The following HMBOX1 variants were observed in gnomAD, a reference collection of about 807,000 sequenced individuals.
HMBOX1 encodes homeobox-containing protein 1.
In HMBOX1, 14 loss-of-function variants were observed where a neutral mutation model predicts 54.5. The observed-to-expected ratio is 0.26, with a 90% confidence interval of 0.17 to 0.40. The LOEUF is 0.40. Among genes scored for constraint, HMBOX1 ranks in the 10% least tolerant of loss-of-function variants. HMBOX1 has a pLI of 1.00. For synonymous variants in HMBOX1, 160 were observed against 181.0 expected (o/e 0.88, Z 0.93); for missense variants, 332 against 514.4 (o/e 0.65, Z 3.43).
At chr8:28,914,024 C>T (rs190138144) in intron 1 of HMBOX1, among the ~76,000 whole-genome samples, 206 of 152,166 alleles carry the variant, frequency 1.4e-3, no homozygotes, top group Middle Eastern at 3.4e-3. Context: ...GCATGTGCCA[C>T]CACATCCGGC....
At chr8:28,959,092 C>T (rs919187500) in intron 1 of HMBOX1, among the ~76,000 whole-genome samples, 2 of 152,124 alleles carry the variant, frequency 1.3e-5, no homozygotes, top group African/African-American at 4.8e-5. Flanking sequence ...CACAGTTTCA[C>T]AGAAGATTCA....
chr8:28,977,667 G>C (rs1563510360), intron 3 of HMBOX1, among the ~76,000 whole-genome samples: 1 of 152,032 alleles, frequency 6.6e-6, no homozygotes, highest in Non-Finnish European at 1.5e-5. Context: ...CAGGCCGGGC[G>C]CGGTGGCTCA....
At chr8:28,936,191 T>C (rs2131962389) in intron 1 of HMBOX1, among the ~76,000 whole-genome samples, 1 of 152,142 alleles carries the variant, frequency 6.6e-6, no homozygotes, top group East Asian at 1.9e-4. Context: ...AATGTTTCAG[T>C]AGATGTATAA....
chr8:28,932,295 G>A (rs1306177996), intron 1 of HMBOX1, among the ~76,000 whole-genome samples: 1 of 152,180 alleles, frequency 6.6e-6, no homozygotes, highest in Non-Finnish European at 1.5e-5. Context: ...TTTATCCTAT[G>A]TACAGTAGGA....
intron 1 of HMBOX1, among the ~76,000 whole-genome samples, chr8:28,961,828 T>C (rs1395078623): frequency 6.6e-6 from 1 of 151,988 alleles, no homozygotes; most frequent in African/African-American, 2.4e-5. Context: ...TTCTCCACAT[T>C]ATTGCCACAC....
chr8:28,983,609 A>C (rs951460369), intron 4 of HMBOX1, among the ~76,000 whole-genome samples: 1 of 152,170 alleles, frequency 6.6e-6, no homozygotes, highest in East Asian at 1.9e-4. Context: ...CTTTCCTTAC[A>C]CAAAGAGTCT....
chr8:29,019,991 C>T (rs1800918716), intron 6 of HMBOX1, among the ~76,000 whole-genome samples: 1 of 152,176 alleles, frequency 6.6e-6, no homozygotes, highest in Non-Finnish European at 1.5e-5. Flanking sequence ...GTCATCTATT[C>T]CTTTCCTTGC....
At chr8:28,999,044 G>A (rs185130360) in intron 4 of HMBOX1, among the ~76,000 whole-genome samples, 5 of 152,014 alleles carry the variant, frequency 3.3e-5, no homozygotes, top group Admixed American at 6.5e-5. Context: ...TTATACTCTC[G>A]TTTATGTTTA....
At chr8:28,952,021 T>A (rs982585275) in intron 1 of HMBOX1, among the ~76,000 whole-genome samples, 4 of 152,028 alleles carry the variant, frequency 2.6e-5, no homozygotes, top group Non-Finnish European at 4.4e-5. Flanking sequence ...AAAATTTTTT[T>A]AAAAATCAGC....
chr8:28,938,180 C>G (rs1489867505), intron 1 of HMBOX1, among the ~76,000 whole-genome samples: 2 of 152,178 alleles, frequency 1.3e-5, no homozygotes, highest in African/African-American at 4.8e-5. Context: ...AAACAAAGAG[C>G]AGTGTTGAAA....
At chr8:28,924,091 G>A (rs1047637027) in intron 1 of HMBOX1, among the ~76,000 whole-genome samples, 5 of 150,766 alleles carry the variant, frequency 3.3e-5, no homozygotes, top group African/African-American at 1.2e-4. Context: ...AGTGGCCTTT[G>A]GACATAAGTG....
chr8:28,907,438 T>G (rs189917092), intron 1 of HMBOX1, among the ~76,000 whole-genome samples: 1 of 152,376 alleles, frequency 6.6e-6, no homozygotes, highest in East Asian at 1.9e-4. Context: ...CTAATTTGTG[T>G]TGGACACTCG....
chr8:28,925,011 ATTT>A (rs879340697), intron 1 of HMBOX1, among the ~76,000 whole-genome samples: 1 of 131,068 alleles, frequency 7.6e-6, no homozygotes. Flanking sequence ...CCTATTAGTG[ATTT>A]TTTTTTTTTT....
chr8:28,928,644 G>A (rs1040229167), intron 1 of HMBOX1, among the ~76,000 whole-genome samples: 1 of 152,224 alleles, frequency 6.6e-6, no homozygotes, highest in African/African-American at 2.4e-5. Flanking sequence ...AAAATGTAGA[G>A]TGTGTATGAC....
intron 4 of HMBOX1, among the ~76,000 whole-genome samples, chr8:29,005,002 T>C (rs957483257): frequency 1.3e-5 from 2 of 152,232 alleles, no homozygotes; most frequent in African/African-American, 4.8e-5. Context: ...AAAAATTACC[T>C]GCTTTACTTA....
At chr8:28,926,256 A>G (rs930912805) in intron 1 of HMBOX1, among the ~76,000 whole-genome samples, 3 of 151,828 alleles carry the variant, frequency 2.0e-5, no homozygotes, top group African/African-American at 7.3e-5. Context: ...TATTAGAGAT[A>G]AACATATATG....
chr8:28,908,171 A>G lies in HMBOX1; in HGVS notation c.-58+17493A>G, dbSNP rs556098462. ...CCCAGCCTAAAATATACTGATTTAT[A>G]TATTATGTTTTGGATTAATTTCCAA... is the stretch of plus-strand genomic sequence containing the variant. On this transcript the variant is annotated intron_variant, in intron 1 of 9. Transcript: ENST00000287701. 3.5e-4 allele frequency among the ~76,000 whole-genome samples: 53 copies of G among 152,252 alleles called. 1 individual carries two copies. The South Asian group carries it at 7.9e-3, about 23-fold the overall frequency.
At chr8:28,929,863 A>G (rs1015863032) in intron 1 of HMBOX1, among the ~76,000 whole-genome samples, 1 of 152,100 alleles carries the variant, frequency 6.6e-6, no homozygotes, top group African/African-American at 2.4e-5. Flanking sequence ...ATTCAGTAGC[A>G]TTTAGTGTGT....
chr8:28,925,310 A>G (rs896070859), intron 1 of HMBOX1, among the ~76,000 whole-genome samples: 2 of 152,162 alleles, frequency 1.3e-5, no homozygotes, highest in African/African-American at 4.8e-5. Flanking sequence ...CTTTAAAGGG[A>G]GAATAACCCA....
Sources: gnomAD v4.1 joint callset for allele counts (sites outside exome capture counted in the v4.1 genomes callset) on GRCh38, gnomAD v4.1.1 for gene constraint, MANE v1.5 for transcripts, NCBI Gene and HGNC (gene_info 2026-07-23, HGNC 2026-07-21) for gene names.